The following GABRB1 variants were observed in gnomAD, a reference collection of about 807,000 sequenced individuals.
GABRB1 encodes the protein gamma-aminobutyric acid type A receptor subunit beta1.
GABRB1 carries 17 observed loss-of-function variants against 51.6 expected under a neutral mutation model. The ratio of observed to expected loss-of-function variants is 0.33; its 90% CI spans 0.23 to 0.49. The LOEUF (loss-of-function observed/expected upper bound fraction) is 0.49, where lower values mean the gene tolerates loss of function less well. GABRB1 is among the 20% of genes least tolerant of loss of function. The pLI, the probability that GABRB1 is intolerant of heterozygous loss-of-function variation, is 0.99. For missense variants in GABRB1, 410 were observed against 600.6 expected (o/e 0.68, Z 3.32); for synonymous variants, 247 against 218.9 (o/e 1.13, Z -1.14).
At chr4:47,283,127 G>A (rs1723353273) in intron 4 of GABRB1, among the ~76,000 whole-genome samples, 2 of 152,100 alleles carry the variant, frequency 1.3e-5, no homozygotes, top group African/African-American at 2.4e-5. Flanking sequence ...ATGTTTAGAG[G>A]CAAAAGTGGA....
intron 4 of GABRB1, among the ~76,000 whole-genome samples, chr4:47,272,355 A>G (rs1722905654): frequency 6.6e-6 from 1 of 152,086 alleles, no homozygotes; most frequent in African/African-American, 2.4e-5. Flanking sequence ...GTCTAAAAAT[A>G]CTAATTTGTT....
At chr4:47,325,508 C>A (rs1455642798) in intron 5 of GABRB1, among the ~76,000 whole-genome samples, 1 of 152,054 alleles carries the variant, frequency 6.6e-6, no homozygotes, top group African/African-American at 2.4e-5. Context: ...TCTTCAAGCT[C>A]TTGTGTGACT....
At chr4:47,180,929 T>C (rs1170611604) in intron 4 of GABRB1, among the ~76,000 whole-genome samples, 2 of 152,036 alleles carry the variant, frequency 1.3e-5, no homozygotes, top group African/African-American at 4.8e-5. Flanking sequence ...CTTTCTATTG[T>C]ATTTTAGAAT....
intron 3 of GABRB1, among the ~76,000 whole-genome samples, chr4:47,141,097 A>G (rs1283512218): frequency 6.6e-6 from 1 of 151,852 alleles, no homozygotes; most frequent in Admixed American, 6.6e-5. Context: ...TTTTTAAAAA[A>G]AAACAACTAA....
At chr4:47,416,081 G>T (rs756939715) in intron 8 of GABRB1, among the ~76,000 whole-genome samples, 2 of 152,208 alleles carry the variant, frequency 1.3e-5, no homozygotes, top group Non-Finnish European at 2.9e-5. Flanking sequence ...TCCAGTTGAG[G>T]TAATTGACAA....
chr4:47,254,593 C>T (rs1298413510), intron 4 of GABRB1, among the ~76,000 whole-genome samples: 1 of 151,530 alleles, frequency 6.6e-6, no homozygotes, highest in Non-Finnish European at 1.5e-5. Flanking sequence ...AGGATGGTCT[C>T]GATCTCCTGA....
intron 3 of GABRB1, 58 bp downstream of exon 3, chr4:47,032,542 G>T: frequency 6.6e-7 from 1 of 1,517,388 alleles, no homozygotes. Flanking sequence ...AAATGGACAG[G>T]TCCCTTTGCC....
chr4:47,207,510 G>A (rs13135929), intron 4 of GABRB1, among the ~76,000 whole-genome samples: 128,615 of 152,008 alleles, frequency 0.85, 54,383 homozygotes, highest in Middle Eastern at 0.87. Context: ...AACTTCCACA[G>A]TTCTCGTACT....
At chr4:47,372,604 C>A (rs1464830394) in intron 5 of GABRB1, among the ~76,000 whole-genome samples, 1 of 152,162 alleles carries the variant, frequency 6.6e-6, no homozygotes, top group African/African-American at 2.4e-5. Context: ...GAAAGAATTG[C>A]AACAGGAGGA....
At chr4:47,143,581 T>C (rs1717025385) in intron 3 of GABRB1, among the ~76,000 whole-genome samples, 1 of 151,912 alleles carries the variant, frequency 6.6e-6, no homozygotes, top group Non-Finnish European at 1.5e-5. Context: ...TACTGCATGG[T>C]GCTTAGATGG....
At chr4:47,115,198 C>T (rs891327201) in intron 3 of GABRB1, among the ~76,000 whole-genome samples, 2 of 152,150 alleles carry the variant, frequency 1.3e-5, no homozygotes, top group African/African-American at 2.4e-5. Context: ...ATGCTGATAG[C>T]TAATACATCT....
intron 4 of GABRB1, among the ~76,000 whole-genome samples, chr4:47,262,503 C>T (rs1422133193): frequency 1.3e-5 from 2 of 152,200 alleles, no homozygotes; most frequent in Non-Finnish European, 2.9e-5. Flanking sequence ...GACACCATCT[C>T]ACACCAGTTA....
chr4:47,385,331 G>A (rs896592250), intron 5 of GABRB1, among the ~76,000 whole-genome samples: 1 of 152,140 alleles, frequency 6.6e-6, no homozygotes, highest in South Asian at 2.1e-4. Context: ...TTTTGAGAAG[G>A]TTGTACCCAG....
chr4:47,017,458 A>T (rs1724783689), intron 1 of GABRB1, among the ~76,000 whole-genome samples: 1 of 152,234 alleles, frequency 6.6e-6, no homozygotes, highest in Admixed American at 6.5e-5. Flanking sequence ...ACTGGGAAAT[A>T]TGAGATAGAC....
intron 4 of GABRB1, among the ~76,000 whole-genome samples, chr4:47,284,235 T>TA (rs1402097290): frequency 2.6e-5 from 4 of 152,092 alleles, no homozygotes; most frequent in African/African-American, 9.7e-5. Context: ...ATGTTAGACT[T>TA]ACAGCTCATG....
intron 3 of GABRB1, among the ~76,000 whole-genome samples, chr4:47,123,848 ATT>A (rs1442008803): frequency 1.1e-5 from 1 of 88,150 alleles, no homozygotes; most frequent in African/African-American, 4.5e-5. Context: ...TATTATATAT[ATT>A]ATATCATATA....
At chr4:47,013,204 T>A (rs1724632677) in intron 1 of GABRB1, among the ~76,000 whole-genome samples, 1 of 152,082 alleles carries the variant, frequency 6.6e-6, no homozygotes, top group South Asian at 2.1e-4. Context: ...TTACACCTGA[T>A]GGTTTTTCAA....
At chr4:47,025,168 C>A (rs1204298991) in intron 1 of GABRB1, among the ~76,000 whole-genome samples, 2 of 150,428 alleles carry the variant, frequency 1.3e-5, no homozygotes, top group African/African-American at 2.4e-5. Flanking sequence ...TGGGTTGGCT[C>A]CACATTTTTG....
At chr4:47,092,094 T>C (rs1481400845) in intron 3 of GABRB1, among the ~76,000 whole-genome samples, 4 of 151,982 alleles carry the variant, frequency 2.6e-5, no homozygotes, top group Non-Finnish European at 4.4e-5. Context: ...GGTTACATTA[T>C]ATTTACATTT....
Sources: gnomAD v4.1 joint callset for allele counts (sites outside exome capture counted in the v4.1 genomes callset) on GRCh38, gnomAD v4.1.1 for gene constraint, MANE v1.5 for transcripts, NCBI Gene and HGNC (gene_info 2026-07-23, HGNC 2026-07-21) for gene names.